Variants in ESR1 observed in about 807,000 individuals in gnomAD.
The protein encoded by ESR1 is estrogen receptor.
Under a neutral mutation model 52.7 loss-of-function variants are expected in ESR1, and 12 were observed. That is an observed-to-expected ratio of 0.23 (90% confidence interval 0.15 to 0.37). ESR1 has a LOEUF of 0.37. Ranked by LOEUF, ESR1 falls within the 10% of genes least tolerant of loss-of-function variation. The pLI, the probability that ESR1 is intolerant of heterozygous loss-of-function variation, is 1.00. For synonymous variants in ESR1, 305 were observed against 316.8 expected (o/e 0.96, Z 0.39); for missense variants, 584 against 779.7 (o/e 0.75, Z 2.99).
At chr6:152,011,054 A>T (rs534870768) in intron 4 of ESR1, among the ~76,000 whole-genome samples, 3 of 152,242 alleles carry the variant, frequency 2.0e-5, no homozygotes, top group Admixed American at 6.5e-5. Context: ...AAACAAGAAC[A>T]CATTTTGGTG....
intron 3 of ESR1, among the ~76,000 whole-genome samples, chr6:151,915,700 T>G (rs748099919): frequency 6.6e-6 from 1 of 152,222 alleles, no homozygotes; most frequent in Non-Finnish European, 1.5e-5. Context: ...GGACTTCAAC[T>G]GTTTTTATAG....
At chr6:151,709,589 AG>A (rs143466387) in intron 2 of ESR1, among the ~76,000 whole-genome samples, 2,940 of 152,270 alleles carry the variant, frequency 0.019, 35 homozygotes, top group East Asian at 0.032. Context: ...ACAGTGTGCA[AG>A]GGTTCTCTTT....
chr6:152,123,863 T>C (rs572083853), intron 6 of ESR1, among the ~76,000 whole-genome samples: 5 of 152,208 alleles, frequency 3.3e-5, no homozygotes, highest in Admixed American at 6.5e-5. Flanking sequence ...AAGAAAGCAC[T>C]ATGTTTGTAG....
At chr6:152,048,073 T>C (rs1469521462) in intron 5 of ESR1, among the ~76,000 whole-genome samples, 3 of 150,924 alleles carry the variant, frequency 2.0e-5, no homozygotes, top group African/African-American at 7.3e-5. Context: ...AGTTTGAGAT[T>C]AAATGTCACT....
intron 4 of ESR1, among the ~76,000 whole-genome samples, chr6:152,010,025 A>G (rs2042638362): frequency 1.3e-5 from 2 of 152,144 alleles, no homozygotes; most frequent in Admixed American, 1.3e-4. Flanking sequence ...GCGGGTTAAC[A>G]GTGGCAATGA....
chr6:151,743,376 A>C (rs1783242867), intron 2 of ESR1, among the ~76,000 whole-genome samples: 2 of 152,202 alleles, frequency 1.3e-5, no homozygotes, highest in Non-Finnish European at 2.9e-5. Flanking sequence ...TGCAAAGTAC[A>C]CAAGAGCCAT....
intron 1 of ESR1, among the ~76,000 whole-genome samples, chr6:151,669,029 G>A (rs1423058106): frequency 6.6e-6 from 1 of 151,526 alleles, no homozygotes; most frequent in African/African-American, 2.4e-5. Flanking sequence ...CAGGCTAAAG[G>A]CATCTGGACT....
intron 5 of ESR1, among the ~76,000 whole-genome samples, chr6:152,025,916 CATT>C (rs951068139): frequency 1.3e-5 from 2 of 151,942 alleles, no homozygotes; most frequent in Non-Finnish European, 2.9e-5. Flanking sequence ...ATCTTACTTT[CATT>C]ATTATTATTT....
intron 2 of ESR1, among the ~76,000 whole-genome samples, chr6:151,727,246 G>A (rs1009567171): frequency 1.3e-5 from 2 of 151,452 alleles, no homozygotes; most frequent in African/African-American, 4.9e-5. Context: ...CTGTCACCCA[G>A]GCTGGAGTGC....
intron 3 of ESR1, among the ~76,000 whole-genome samples, chr6:151,932,133 A>G (rs1230223116): frequency 2.0e-5 from 3 of 150,072 alleles, no homozygotes; most frequent in Non-Finnish European, 4.5e-5. Context: ...TGACTTTTTA[A>G]TGATTGCCAT....
At chr6:152,093,350 CTCTT>C (rs57834807) in intron 6 of ESR1, among the ~76,000 whole-genome samples, 8,088 of 104,882 alleles carry the variant, frequency 0.077, 268 homozygotes, top group East Asian at 0.16. Flanking sequence ...CTCTCTCTCT[CTCTT>C]TCTCTCTCTC....
intron 2 of ESR1, among the ~76,000 whole-genome samples, chr6:151,765,496 T>G (rs1339255989): frequency 1.3e-5 from 2 of 152,242 alleles, no homozygotes; most frequent in Non-Finnish European, 2.9e-5. Flanking sequence ...AATAAAAATT[T>G]TAAAGTGGAC....
intron 6 of ESR1, among the ~76,000 whole-genome samples, chr6:152,067,535 A>G (rs975999233): frequency 7.6e-4 from 116 of 152,194 alleles, no homozygotes; most frequent in Admixed American, 7.5e-3. Context: ...GTAAATTGGC[A>G]TTAAGTTTGA....
At chr6:151,847,011 C>G (rs535059836) in intron 2 of ESR1, among the ~76,000 whole-genome samples, 1 of 152,270 alleles carries the variant, frequency 6.6e-6, no homozygotes, top group East Asian at 1.9e-4. Context: ...CTCAGGCCTA[C>G]CTATACACCA....
intron 1 of ESR1, among the ~76,000 whole-genome samples, chr6:151,677,116 G>T: frequency 6.6e-6 from 1 of 152,176 alleles, no homozygotes; most frequent in Non-Finnish European, 1.5e-5. Context: ...CTCTCCAGTA[G>T]CTGCAACTAC....
At chr6:151,915,875 G>A (rs2030005065) in intron 3 of ESR1, among the ~76,000 whole-genome samples, 1 of 148,940 alleles carries the variant, frequency 6.7e-6, no homozygotes, top group South Asian at 2.1e-4. Flanking sequence ...CTCTCTATAG[G>A]AAACCAGTAG....
At chr6:151,932,033 C>A (rs1420321871) in intron 3 of ESR1, among the ~76,000 whole-genome samples, 9 of 149,498 alleles carry the variant, frequency 6.0e-5, no homozygotes, top group East Asian at 2.0e-4. Flanking sequence ...GCCACACTGA[C>A]TTCCACAATG....
At chr6:151,871,087 G>A (rs535496486) in intron 2 of ESR1, among the ~76,000 whole-genome samples, 94 of 152,088 alleles carry the variant, frequency 6.2e-4, no homozygotes, top group African/African-American at 1.9e-3. Context: ...CTGGATTCAA[G>A]TGATGCCCTC....
chr6:152,108,121 C>T (rs1310120158), downstream of ESR1, among the ~76,000 whole-genome samples: 1 of 152,216 alleles, frequency 6.6e-6, no homozygotes, highest in Non-Finnish European at 1.5e-5. Flanking sequence ...CAGGGGCTAG[C>T]TAGCCTGGGC....
Sources: gnomAD v4.1 joint callset for allele counts (sites outside exome capture counted in the v4.1 genomes callset) on GRCh38, gnomAD v4.1.1 for gene constraint, MANE v1.5 for transcripts, NCBI Gene and HGNC (gene_info 2026-07-23, HGNC 2026-07-21) for gene names.